Variants in SFRP4 observed in about 807,000 individuals in gnomAD.
SFRP4 encodes the protein secreted frizzled-related protein 4.
SFRP4 carries 25 observed loss-of-function variants against 36.3 expected under a neutral mutation model. The ratio of observed to expected loss-of-function variants is 0.69; its 90% CI spans 0.50 to 0.96. The LOEUF (loss-of-function observed/expected upper bound fraction) is 0.96. Among genes scored for constraint, SFRP4 ranks in the 40% least tolerant of loss-of-function variants. The pLI is 0.00. For synonymous variants in SFRP4, 182 were observed against 168.8 expected (o/e 1.08, Z -0.60); for missense variants, 487 against 459.6 (o/e 1.06, Z -0.54).
In SFRP4 at chr7:37,916,152, G is replaced by A. The variant is rs964161713; in HGVS notation, c.386C>T (p.Pro129Leu). ...WPESLACDEL[P>L]VYDRGVCISP... ...GATGCACACGCCACGGTCATAGACA[G>A]GCAGCTCGTCGCAGGCCAGGCTTTC... Residue 129 changes from proline (P) to leucine (L), a missense_variant, in exon 1 of 6, where the codon CCT becomes CTT. Coordinates refer to ENST00000436072, the MANE Select transcript of SFRP4 (RefSeq NM_003014.4). This position sits in a 1 kb window ranked among gnomAD's most constrained non-coding sequence, Gnocchi z 4.1. 11 of 1,613,984 alleles carry A rather than the reference G, an allele frequency of 6.8e-6. No homozygotes were observed. The highest frequency in any genetic ancestry group is 9.3e-6 in the Non-Finnish European group (11 of 1,180,052).
At chr7:37,909,149 G>A (rs1203386524) in intron 5 of SFRP4, among the ~76,000 whole-genome samples, 2 of 152,012 alleles carry the variant, frequency 1.3e-5, no homozygotes, top group African/African-American at 4.8e-5. Context: ...ACTGCAAAAC[G>A]ATTACTTTTT....
At chr7:37,909,174 A>T (rs2131986060) in intron 5 of SFRP4, among the ~76,000 whole-genome samples, 1 of 152,306 alleles carries the variant, frequency 6.6e-6, no homozygotes, top group East Asian at 1.9e-4. Context: ...ATAATTTTTG[A>T]CAAAAGTCTT....
At chr7:37,912,441 G>C in intron 3 of SFRP4, 124 bp from the exon 4 acceptor site, 1 of 734,774 alleles carries the variant, frequency 1.4e-6, no homozygotes, top group Non-Finnish European at 2.3e-6. Flanking sequence ...TTATGTCCAA[G>C]TGGCCTGAGT....
rs1802073 is a variant in SFRP4, at chr7:37,907,562, G to A, written c.958C>T (p.Pro320Ser). The A allele has an allele frequency of 6.2e-7, 1 of 1,612,254 alleles. No individual in the cohort carries two copies. The highest frequency in any genetic ancestry group is 1.3e-5 in the African/African-American group (1 of 74,694). ...RSNPPKPKGK[P>S]PAPKPASPKK... is the part of the protein sequence containing the mutation. The stretch of plus-strand genomic sequence containing the variant: ...GGACTGGCTGGTTTGGGAGCAGGAG[G>A]CTTTCCCTTTGGTTTGGGGGGATTA... The change falls in exon 6 of 6, where the codon CCT becomes TCT. Residue 320 changes from proline (P) to serine (S), a missense_variant. Transcript: ENST00000436072.
In SFRP4 at chr7:37,907,522, T is replaced by G; in HGVS notation, c.998A>C (p.Lys333Thr). 1 of 1,613,912 alleles carries G rather than the reference T, an allele frequency of 6.2e-7. No homozygotes were observed. Among genetic ancestry groups the G allele is most frequent in the Non-Finnish European group, 8.5e-7 (1 of 1,179,868 alleles). ...PKPASPKKNI[K>T]TRSAQKRTNP... Reference sequence around the variant, plus strand: ...TGTTCTCTTCTGGGCACTCCTAGTTTTAATGTTCTTCTTGGGACTGGCTGG... The same window carrying G: ...TGTTCTCTTCTGGGCACTCCTAGTTGTAATGTTCTTCTTGGGACTGGCTGG... The change falls in exon 6 of 6, where the codon AAA becomes ACA. Residue 333 changes from lysine (K) to threonine (T), a missense_variant. Transcript: ENST00000436072.
chr7:37,914,481 G>C, intron 1 of SFRP4, 28 bp from the exon 2 acceptor site: 2 of 1,570,244 alleles, frequency 1.3e-6, no homozygotes, highest in Non-Finnish European at 1.8e-6. Flanking sequence ...CCACATGGGC[G>C]TGGTTGGTGA....
At chr7:37,912,000 C>A in intron 4 of SFRP4, 119 bp downstream of exon 4, 1 of 702,728 alleles carries the variant, frequency 1.4e-6, no homozygotes, top group South Asian at 2.2e-5. Flanking sequence ...ATCTGTTAAA[C>A]TAATTTTTTT....
In SFRP4 at chr7:37,912,175, A is replaced by C. The variant is rs1249204548; in HGVS notation, c.735T>G (p.Cys245Trp). The change falls in exon 4 of 6, where the codon TGT (cysteine) becomes TGG (tryptophan). Residue 245 changes from cysteine (C) to tryptophan (W), a missense_variant. Cys to Trp is a radical substitution (Grantham distance 215). Coordinates refer to ENST00000436072, the MANE Select transcript of SFRP4 (RefSeq NM_003014.4). ...VPLITNSSCQ[C>W]PHILPHQDVL... is the part of the protein sequence containing the mutation. ...CATCTTGATGGGGCAGGATGTGTGG[A>C]CACTGGCAAGAAGAATTTGTAATGA... 1 of 1,614,204 alleles carries C rather than the reference A, an allele frequency of 6.2e-7. No homozygotes were observed. Among genetic ancestry groups the C allele is most frequent in the Non-Finnish European group, 8.5e-7 (1 of 1,180,036 alleles).
At chr7:37,909,394 G>A (rs532581010) in intron 5 of SFRP4, among the ~76,000 whole-genome samples, 2 of 152,080 alleles carry the variant, frequency 1.3e-5, no homozygotes, top group Non-Finnish European at 2.9e-5. Context: ...CCTTAGTATT[G>A]AACACAACTA....
Position 37,909,658 on chromosome 7 carries a change from A to G in SFRP4, c.814T>C (p.Leu272=). Residue 272 remains leucine (L), a synonymous_variant, in exon 5 of 6, where the codon TTA becomes CTA. Transcript: ENST00000436072. The stretch of plus-strand genomic sequence containing the variant: ...AGCTGATCTCTCCATTTTTCAACTA[A>G]GCAATTTTCAAGAAGCATCATCCTG... The part of the protein sequence containing the change: ...RSRMMLLENC[L]VEKWRDQLSK... 6.3e-7 allele frequency: 1 copy of G among 1,584,128 alleles called. No homozygotes were observed. Among genetic ancestry groups the G allele is most frequent in the Non-Finnish European group, 8.6e-7 (1 of 1,163,414 alleles).
chr7:37,910,217 A>G (rs914628332), intron 4 of SFRP4, among the ~76,000 whole-genome samples: 2 of 151,996 alleles, frequency 1.3e-5, no homozygotes, highest in African/African-American at 4.8e-5. Flanking sequence ...CTTTCATCCA[A>G]TTCACTAACA....
chr7:37,908,173 C>T (rs560519743), intron 5 of SFRP4, among the ~76,000 whole-genome samples: 2 of 152,316 alleles, frequency 1.3e-5, no homozygotes, highest in South Asian at 4.1e-4. Context: ...CAAAGGAAGA[C>T]AGAGGCCCCT....
At position 37,914,790 on chromosome 7, in the gene SFRP4, G is replaced by A. The variant is rs531775063; in HGVS notation, c.446-337C>T. ...TGAGGCAGGAGAATCGCTTGAACCC[G>A]GGAGGCGAAGGTTGCCGTGAGCTGA... On this transcript the variant is annotated intron_variant, in intron 1 of 5. Coordinates refer to ENST00000436072, the MANE Select transcript of SFRP4 (RefSeq NM_003014.4). 1.4e-4 allele frequency among the ~76,000 whole-genome samples: 22 copies of A among 152,288 alleles called. No homozygotes were observed. In the Middle Eastern group the frequency reaches 0.01, roughly 71 times the overall value.
chr7:37,912,480 C>T (rs959598202), intron 3 of SFRP4, among the ~76,000 whole-genome samples, 163 bp from the exon 4 acceptor site: 3 of 152,158 alleles, frequency 2.0e-5, no homozygotes, highest in Admixed American at 2.0e-4. Flanking sequence ...CAGTCATATG[C>T]TAAATGGATG....
At chr7:37,909,988 A>G (rs1785456312) in intron 4 of SFRP4, 1 of 190,344 alleles carries the variant, frequency 5.3e-6, no homozygotes. Flanking sequence ...ATGAATATGG[A>G]TATCCATAAT....
At chr7:37,910,251 T>C (rs1785462285) in intron 4 of SFRP4, among the ~76,000 whole-genome samples, 1 of 151,992 alleles carries the variant, frequency 6.6e-6, no homozygotes, top group African/African-American at 2.4e-5. Context: ...GAAAATGGAA[T>C]CTTATTTTTA....
intron 4 of SFRP4, among the ~76,000 whole-genome samples, chr7:37,910,893 A>G (rs1785476289): frequency 6.6e-6 from 1 of 152,220 alleles, no homozygotes; most frequent in Non-Finnish European, 1.5e-5. Context: ...GTGTAACTTT[A>G]CACCAGGTTT....
In SFRP4 at chr7:37,916,451, G is replaced by A; in HGVS notation, c.87C>T (p.Ile29=). 2 of 1,613,640 alleles carry A rather than the reference G, an allele frequency of 1.2e-6. No homozygotes were observed. Among genetic ancestry groups the A allele is most frequent in the Non-Finnish European group, 1.7e-6 (2 of 1,179,758 alleles). ...TCCAGGGCATGTGCCGGCACATAGG[G>A]ATGCGCACCGCCTCGCAGGGCGCGC... ...VRGAPCEAVR[I]PMCRHMPWNI... Residue 29 remains isoleucine, a synonymous_variant, in exon 1 of 6, where the codon ATC becomes ATT. Coordinates refer to ENST00000436072, the MANE Select transcript of SFRP4 (RefSeq NM_003014.4). The surrounding 1 kb of genome is among the most constrained non-coding windows in gnomAD (Gnocchi z 4.1).
chr7:37,909,940 A>C (rs562005759), intron 4 of SFRP4: 58 of 245,756 alleles, frequency 2.4e-4, no homozygotes, highest in African/African-American at 1.3e-3. Context: ...TGATGTAATT[A>C]GAGTAATTTA....
Sources: gnomAD v4.1 joint callset for allele counts (sites outside exome capture counted in the v4.1 genomes callset) on GRCh38, gnomAD v4.1.1 for gene constraint, Gnocchi (gnomAD v3.1) non-coding constraint, MANE v1.5 for transcripts, NCBI Gene and HGNC (gene_info 2026-07-23, HGNC 2026-07-21) for gene names.